The following SLC71A2 variants were observed in gnomAD, a reference collection of about 807,000 sequenced individuals.
SLC71A2 encodes the protein solute carrier family 71 member 2.
chr9:94,386,711 G>C, the SLC71A2 span, among the ~76,000 whole-genome samples: 2 of 152,042 alleles, frequency 1.3e-5, no homozygotes, highest in Admixed American at 6.6e-5. Flanking sequence ...CAGAGGCCTA[G>C]AATCTGTATC....
chr9:94,454,023 C>T, the SLC71A2 span: 4 of 1,614,004 alleles, frequency 2.5e-6, no homozygotes, highest in African/African-American at 5.3e-5. Flanking sequence ...TTGGCTTGGG[C>T]TTCCAGATGC....
At chr9:94,403,263 A>T in the SLC71A2 span, among the ~76,000 whole-genome samples, 1 of 151,892 alleles carries the variant, frequency 6.6e-6, no homozygotes, top group Non-Finnish European at 1.5e-5. Flanking sequence ...CAGCCTCTCA[A>T]GTAGCTGGGA....
chr9:94,403,818 C>G, the SLC71A2 span, among the ~76,000 whole-genome samples: 2 of 152,128 alleles, frequency 1.3e-5, no homozygotes, highest in Non-Finnish European at 1.5e-5. Flanking sequence ...TTCTTCATGT[C>G]CTTGCCAGCA....
the SLC71A2 span, among the ~76,000 whole-genome samples, chr9:94,430,195 G>A: frequency 2.0e-5 from 3 of 148,266 alleles, no homozygotes; most frequent in East Asian, 2.0e-4. Context: ...GAACCACCGC[G>A]CCTGACTGTT....
At chr9:94,440,839 ATTT>A in the SLC71A2 span, 3 of 423,424 alleles carry the variant, frequency 7.1e-6, no homozygotes, top group Non-Finnish European at 1.3e-5. Context: ...CTTAACTTAA[ATTT>A]TTTTTGATAT....
the SLC71A2 span, chr9:94,429,193 T>A: frequency 6.2e-7 from 1 of 1,603,208 alleles, no homozygotes; most frequent in Non-Finnish European, 8.5e-7. Context: ...TTGTAGGTTC[T>A]ACATGAAACA....
chr9:94,416,784 G>T, the SLC71A2 span, among the ~76,000 whole-genome samples: 1 of 151,972 alleles, frequency 6.6e-6, no homozygotes, highest in East Asian at 1.9e-4. Context: ...GACCCAGAAG[G>T]TGGAGGTTGC....
chr9:94,384,680 TA>T, the SLC71A2 span, among the ~76,000 whole-genome samples: 1 of 152,208 alleles, frequency 6.6e-6, no homozygotes, highest in Admixed American at 6.5e-5. Flanking sequence ...CGTTTTGTTT[TA>T]TTGTTGAGTT....
chr9:94,382,724 A>G, the SLC71A2 span, among the ~76,000 whole-genome samples: 1 of 151,828 alleles, frequency 6.6e-6, no homozygotes, highest in Non-Finnish European at 1.5e-5. Flanking sequence ...TAGTGGCACA[A>G]TCTCTGCCCA....
At chr9:94,447,840 C>G in the SLC71A2 span, among the ~76,000 whole-genome samples, 1 of 152,188 alleles carries the variant, frequency 6.6e-6, no homozygotes, top group Non-Finnish European at 1.5e-5. Context: ...ATCTCTCCCT[C>G]CACCACCAAC....
the SLC71A2 span, among the ~76,000 whole-genome samples, chr9:94,388,480 A>G: frequency 6.6e-6 from 1 of 152,224 alleles, no homozygotes; most frequent in South Asian, 2.1e-4. Flanking sequence ...CTAATTGTAT[A>G]TATTCATGAA....
chr9:94,418,552 C>T, the SLC71A2 span, among the ~76,000 whole-genome samples: 1 of 152,036 alleles, frequency 6.6e-6, no homozygotes, highest in Admixed American at 6.6e-5. Context: ...AGGCGATTCT[C>T]AGCCTCCCGA....
the SLC71A2 span, chr9:94,432,805 A>G: frequency 5.0e-6 from 2 of 403,046 alleles, no homozygotes; most frequent in Non-Finnish European, 1.0e-5. Flanking sequence ...TTTGTCCCCC[A>G]TCAATGACCA....
chr9:94,439,743 T>C, the SLC71A2 span, among the ~76,000 whole-genome samples: 1 of 152,052 alleles, frequency 6.6e-6, no homozygotes, highest in African/African-American at 2.4e-5. Flanking sequence ...TTAATGTCCT[T>C]TTTTTGGCTT....
the SLC71A2 span, among the ~76,000 whole-genome samples, chr9:94,387,671 AG>A: frequency 6.6e-6 from 1 of 152,200 alleles, no homozygotes; most frequent in African/African-American, 2.4e-5. Flanking sequence ...TTTATTTGAC[AG>A]CTTAGTTCCT....
the SLC71A2 span, among the ~76,000 whole-genome samples, chr9:94,456,060 C>T: frequency 0.51 from 77,089 of 151,830 alleles, 19,775 homozygotes; most frequent in Admixed American, 0.6. Context: ...CCATTCGTTT[C>T]CTCCAGTGTC....
the SLC71A2 span, among the ~76,000 whole-genome samples, chr9:94,417,612 T>G: frequency 6.6e-6 from 1 of 151,968 alleles, no homozygotes; most frequent in East Asian, 1.9e-4. Flanking sequence ...GGGCAACGAG[T>G]GCAAAACTCT....
the SLC71A2 span, among the ~76,000 whole-genome samples, chr9:94,389,972 T>C: frequency 6.7e-6 from 1 of 150,196 alleles, no homozygotes; most frequent in Non-Finnish European, 1.5e-5. Context: ...CCCAACACTT[T>C]GGGAGGCCGA....
chr9:94,453,928 T>G, the SLC71A2 span: 2 of 1,431,106 alleles, frequency 1.4e-6, no homozygotes, highest in Non-Finnish European at 2.0e-6. Context: ...GTTGATGTGG[T>G]TTTTCAGAGT....
Sources: allele counts gnomAD v4.1 joint callset (sites outside exome capture counted in the v4.1 genomes callset), GRCh38; gene constraint gnomAD v4.1.1; transcripts MANE v1.5; gene names NCBI Gene and HGNC (gene_info 2026-07-23, HGNC 2026-07-21).